NEBL: variants seen among roughly 807,000 people sequenced by gnomAD.
NEBL encodes LIM and SH3 protein 2.
Under a neutral mutation model 140.2 loss-of-function variants are expected in NEBL, and 122 were observed. The ratio of observed to expected loss-of-function variants is 0.87; its 90% confidence interval spans 0.75 to 1.01. The LOEUF (loss-of-function observed/expected upper bound fraction) is 1.01. Ranked by LOEUF, NEBL falls within the 50% of genes least tolerant of loss-of-function variation. NEBL has a pLI of 0.00. For synonymous variants in NEBL, 436 were observed against 398.9 expected (o/e 1.09, Z -1.11); for missense variants, 1,365 against 1,231.3 (o/e 1.11, Z -1.62).
chr10:21,187,287 A>C (rs1841490832), intron 3 of NEBL, among the ~76,000 whole-genome samples: 1 of 152,082 alleles, frequency 6.6e-6, no homozygotes, highest in South Asian at 2.1e-4. Context: ...GCCCAGTCTC[A>C]GATATTTCTT....
At chr10:21,164,025 C>A (rs578078455) in intron 2 of NEBL, among the ~76,000 whole-genome samples, 2 of 152,326 alleles carry the variant, frequency 1.3e-5, no homozygotes, top group South Asian at 4.1e-4. Flanking sequence ...TGTGCCCTAT[C>A]TAGGTTCGAC....
chr10:21,281,440 G>A (rs1842992893), intron 1 of NEBL, among the ~76,000 whole-genome samples: 1 of 151,814 alleles, frequency 6.6e-6, no homozygotes, highest in Non-Finnish European at 1.5e-5. Flanking sequence ...GGGATTACAG[G>A]TACACACCAC....
At chr10:21,202,461 C>CTTTTTTTTTTTTTTTTTTTTT (rs35623208) in intron 3 of NEBL, among the ~76,000 whole-genome samples, 2 of 117,306 alleles carry the variant, frequency 1.7e-5, no homozygotes, top group African/African-American at 3.4e-5. Context: ...TTTTCTTTTT[C>CTTTTTTTTTTTTTTTTTTTTT]TTTTTTTTTT....
At chr10:20,878,803 G>A (rs541055781) in intron 5 of NEBL, among the ~76,000 whole-genome samples, 8 of 152,288 alleles carry the variant, frequency 5.3e-5, no homozygotes, top group African/African-American at 1.9e-4. Flanking sequence ...ACACAGTATT[G>A]AATGAAGGAG....
rs1564505991 is a variant in NEBL, at chr10:21,086,183, G to A, written c.165-65982C>T. On this transcript the variant is annotated intron_variant, in intron 2 of 6. Coordinates refer to the NEBL transcript ENST00000417816. ...TAGGAATTAAAGAGTTCGACTCCGTGTTGTTATCATTTAGGCCCACATGAA... is the reference window on the plus strand; with the variant it reads ...TAGGAATTAAAGAGTTCGACTCCGTATTGTTATCATTTAGGCCCACATGAA... Among the ~76,000 whole-genome samples, 7 of 152,310 alleles carry A rather than the reference G, an allele frequency of 4.6e-5. No individual in the cohort carries two copies. In the South Asian group the frequency reaches 1.4e-3, roughly 32 times the overall value.
intron 5 of NEBL, among the ~76,000 whole-genome samples, chr10:20,876,098 T>C (rs1845472424): frequency 6.6e-6 from 1 of 152,210 alleles, no homozygotes; most frequent in Admixed American, 6.5e-5. Context: ...TATTAAATTG[T>C]AAATATTATT....
At chr10:21,069,987 T>G (rs1396305480) in intron 2 of NEBL, 5 of 456,140 alleles carry the variant, frequency 1.1e-5, no homozygotes, top group Non-Finnish European at 2.2e-5. Flanking sequence ...GGAGCCAGAA[T>G]GCAGCCACTC....
At chr10:21,275,342 A>C (rs143461703) in intron 1 of NEBL, among the ~76,000 whole-genome samples, 2 of 152,350 alleles carry the variant, frequency 1.3e-5, no homozygotes, top group African/African-American at 4.8e-5. Flanking sequence ...TGACCCCAGC[A>C]GAAAACATTA....
intron 2 of NEBL, among the ~76,000 whole-genome samples, chr10:21,069,144 C>T (rs909854521): frequency 2.0e-5 from 3 of 152,186 alleles, no homozygotes; most frequent in Non-Finnish European, 4.4e-5. Context: ...CTGCCTTATC[C>T]TCCCAAAGTG....
At chr10:20,877,011 C>T (rs900638587) in intron 5 of NEBL, among the ~76,000 whole-genome samples, 1 of 152,186 alleles carries the variant, frequency 6.6e-6, no homozygotes, top group African/African-American at 2.4e-5. Flanking sequence ...GCCCTTCCGA[C>T]CTAAACATTT....
chr10:21,004,350 A>G (rs979041096), intron 3 of NEBL, among the ~76,000 whole-genome samples: 15 of 146,836 alleles, frequency 1.0e-4, no homozygotes, highest in East Asian at 1.9e-4. Flanking sequence ...AAAATTTTGG[A>G]AAAAAAATGC....
intron 5 of NEBL, among the ~76,000 whole-genome samples, chr10:20,875,770 T>C (rs966338843): frequency 3.3e-5 from 5 of 152,012 alleles, no homozygotes; most frequent in Non-Finnish European, 7.3e-5. Flanking sequence ...AAAGTCTGCA[T>C]GGGCAGACAG....
At chr10:21,120,317 G>A (rs1838476008) in intron 2 of NEBL, among the ~76,000 whole-genome samples, 2 of 146,294 alleles carry the variant, frequency 1.4e-5, no homozygotes, top group Non-Finnish European at 3.0e-5. Context: ...CAAGGCTACA[G>A]TGAGCTGTGA....
At chr10:21,050,620 G>A (rs1413368330) in intron 2 of NEBL, among the ~76,000 whole-genome samples, 9 of 152,230 alleles carry the variant, frequency 5.9e-5, no homozygotes, top group Non-Finnish European at 1.0e-4. Context: ...CAGCGTGGGC[G>A]TTTGGCTTAA....
chr10:21,007,234 G>A (rs772866223), intron 3 of NEBL, among the ~76,000 whole-genome samples: 5 of 152,112 alleles, frequency 3.3e-5, no homozygotes, highest in African/African-American at 9.7e-5. Context: ...CTGGTCTCTC[G>A]CCTCACACAA....
chr10:21,095,484 T>C (rs1837143806), intron 2 of NEBL, among the ~76,000 whole-genome samples: 1 of 152,348 alleles, frequency 6.6e-6, no homozygotes, highest in East Asian at 1.9e-4. Flanking sequence ...AACGGTGCTA[T>C]TAGCATAACT....
intron 3 of NEBL, among the ~76,000 whole-genome samples, chr10:20,971,503 A>C: frequency 6.6e-6 from 1 of 150,590 alleles, no homozygotes; most frequent in African/African-American, 2.4e-5. Context: ...TGTGCAGGTT[A>C]GTTACATATG....
chr10:20,953,176 G>A (rs1050839283), intron 4 of NEBL, among the ~76,000 whole-genome samples: 2 of 152,118 alleles, frequency 1.3e-5, no homozygotes, highest in African/African-American at 4.8e-5. Context: ...TGTATTTGGA[G>A]AGGGTGACTT....
chr10:21,270,374 T>A (rs1219352189), intron 1 of NEBL, among the ~76,000 whole-genome samples: 1 of 151,442 alleles, frequency 6.6e-6, no homozygotes, highest in Non-Finnish European at 1.5e-5. Flanking sequence ...CCATATTTTT[T>A]TTTTTTTTTT....
Sources: allele counts gnomAD v4.1 joint callset (sites outside exome capture counted in the v4.1 genomes callset), GRCh38; gene constraint gnomAD v4.1.1; transcripts MANE v1.5; gene names NCBI Gene and HGNC (gene_info 2026-07-23, HGNC 2026-07-21).